Variants in C22orf42 observed in about 807,000 individuals in gnomAD.
The protein encoded by C22orf42 is chromosome 22 open reading frame 42, also known as uncharacterized protein C22orf42.
C22orf42 carries 24 observed loss-of-function variants against 31.4 expected under a neutral mutation model. That is an observed-to-expected ratio of 0.77 (90% confidence interval 0.55 to 1.08). The LOEUF is 1.08. Ranked by LOEUF, C22orf42 falls within the 50% of genes least tolerant of loss-of-function variation. The pLI is 0.00. For missense variants in C22orf42, 276 were observed against 327.3 expected (o/e 0.84, Z 1.21); for synonymous variants, 96 against 112.7 (o/e 0.85, Z 0.94).
At chr22:32,151,266 G>C (rs930671429) in intron 5 of C22orf42, among the ~76,000 whole-genome samples, 1 of 152,094 alleles carries the variant, frequency 6.6e-6, no homozygotes, top group African/African-American at 2.4e-5. Flanking sequence ...TTGCTACTGA[G>C]AAATACACTC....
Position 32,159,290 on chromosome 22 carries a change from G to A in C22orf42, c.-75C>T. The A allele has an allele frequency of 1.3e-6, 2 of 1,561,140 alleles. No individual in the cohort carries two copies. Among genetic ancestry groups the A allele is most frequent in the East Asian group, 4.5e-5 (2 of 43,992 alleles). On this transcript the variant is annotated 5_prime_UTR_variant, in exon 1 of 9. Coordinates refer to ENST00000382097, the MANE Select transcript of C22orf42 (RefSeq NM_001010859.3). ...AGTCGGAGCTCCTCCTCCTTCTACG[G>A]CCAGCTACCGACTGAAGGCTGCTGG...
intron 1 of C22orf42, among the ~76,000 whole-genome samples, chr22:32,157,632 TC>T (rs1158474235): frequency 1.3e-5 from 2 of 152,180 alleles, no homozygotes; most frequent in Non-Finnish European, 2.9e-5. Flanking sequence ...GTGGGGACCT[TC>T]CGTCTTATTT....
chr22:32,152,052 A>G lies in C22orf42; in HGVS notation c.400+15T>C. On this transcript the variant is annotated intron_variant, in intron 4 of 8. Coordinates refer to ENST00000382097, the MANE Select transcript of C22orf42 (RefSeq NM_001010859.3). ...ACTACATGTAAATAAAGCTGTTTAA[A>G]AAAAAAATACGTACGGTGGTCGTGC... 1 of 1,598,748 alleles carries G rather than the reference A, an allele frequency of 6.3e-7. No individual in the cohort carries two copies. The highest frequency in any genetic ancestry group is 1.4e-5 in the African/African-American group (1 of 73,722).
At position 32,149,458 on chromosome 22, in the gene C22orf42, C is replaced by A; in HGVS notation, c.*82G>T. 1.5e-6 allele frequency: 2 copies of A among 1,346,176 alleles called. No individual in the cohort carries two copies. Among genetic ancestry groups the A allele is most frequent in the South Asian group, 1.8e-5 (1 of 55,860 alleles). The allele number at this position is 1,346,176 out of a possible 1,614,324, so 83.4% of individuals were successfully genotyped here. A position where few individuals can be genotyped will look rare whatever the true frequency, so the allele number is the denominator to read the frequency against. On this transcript the variant is annotated 3_prime_UTR_variant, in exon 9 of 9. Transcript: ENST00000382097. Reference sequence around the variant, plus strand: ...AGAGAGAGGCTTGTGATTTTTTTTTCACCCAGATGGAAATATGCATTCATA... The same window carrying A: ...AGAGAGAGGCTTGTGATTTTTTTTTAACCCAGATGGAAATATGCATTCATA...
At chr22:32,159,431 C>T, upstream of C22orf42, 1 of 1,410,790 alleles carries the variant, frequency 7.1e-7, no homozygotes, top group South Asian at 1.5e-5. Flanking sequence ...AAATGCCTCA[C>T]AATGCCCATC....
intron 1 of C22orf42, among the ~76,000 whole-genome samples, chr22:32,158,065 C>T (rs1209738986): frequency 1.3e-5 from 2 of 152,250 alleles, no homozygotes; most frequent in Admixed American, 1.3e-4. Context: ...CTGAGTCTGG[C>T]AGCTTTCGTT....
chr22:32,154,721 A>G (rs1026204576), intron 1 of C22orf42, among the ~76,000 whole-genome samples: 14 of 152,356 alleles, frequency 9.2e-5, no homozygotes, highest in Non-Finnish European at 1.6e-4. Context: ...GATCTCTGCT[A>G]TAGACCTACT....
intron 1 of C22orf42, among the ~76,000 whole-genome samples, chr22:32,156,499 AC>A (rs1487387086): frequency 7.2e-6 from 1 of 138,902 alleles, no homozygotes; most frequent in Non-Finnish European, 1.5e-5. Context: ...CACTTTGGCT[AC>A]CCACTGAAGT....
At chr22:32,159,660 C>T, upstream of C22orf42, 1 of 197,820 alleles carries the variant, frequency 5.1e-6, no homozygotes, top group Non-Finnish European at 9.7e-6. Flanking sequence ...GTTTGCTCAC[C>T]AAATGTAGTT....
chr22:32,157,424 C>T (rs1263255873), intron 1 of C22orf42, among the ~76,000 whole-genome samples: 2 of 151,564 alleles, frequency 1.3e-5, no homozygotes, highest in African/African-American at 4.9e-5. Flanking sequence ...GGCCTTAGCC[C>T]ATCATATTCA....
intron 7 of C22orf42, chr22:32,150,049 T>C (rs1279615209): frequency 1.8e-6 from 1 of 544,780 alleles, no homozygotes; most frequent in East Asian, 2.9e-5. Flanking sequence ...CCAGATAGTT[T>C]GTAAGTGATG....
intron 6 of C22orf42, 50 bp from the exon 7 acceptor site, chr22:32,150,529 A>T: frequency 6.3e-7 from 1 of 1,582,702 alleles, no homozygotes; most frequent in Non-Finnish European, 8.7e-7. Context: ...GAGGAATCCC[A>T]CAAGGAGCCT....
Position 32,150,546 on chromosome 22 carries a change from A to T in C22orf42, c.494-67T>A, listed in dbSNP as rs2149510867. 8 of 1,543,326 alleles carry T rather than the reference A, an allele frequency of 5.2e-6. No individual in the cohort carries two copies. In the South Asian group the frequency reaches 6.7e-5, roughly 13 times the overall value. On this transcript the variant is annotated intron_variant, in intron 6 of 8. Transcript: ENST00000382097. ...GGAATCCCACAAGGAGCCTTGGGGG[A>T]TGTGGACCAGGGCTGGATCATGTGC...
rs1920979589 is a variant in C22orf42, at chr22:32,151,528, A to G, written c.424T>C (p.Ser142Pro). The G allele has an allele frequency of 1.9e-6, 3 of 1,613,784 alleles. No individual in the cohort carries two copies. Among genetic ancestry groups the G allele is most frequent in the South Asian group, 2.2e-5 (2 of 91,068 alleles). Residue 142 changes from serine (S) to proline (P), a missense_variant, in exon 5 of 9, where the codon TCT becomes CCT. Physicochemically the swap from Ser to Pro is moderately conservative, Grantham distance 74. Coordinates refer to ENST00000382097, the MANE Select transcript of C22orf42 (RefSeq NM_001010859.3). ...DHRPTEDVQVSAHGGVEENIT... is the reference protein window; with the variant it reads ...DHRPTEDVQVPAHGGVEENIT... ...TTCTCCTCCACACCGCCGTGTGCAGACACCTGCACATCTTCAGTGGGACCT... is the reference window on the plus strand; with the variant it reads ...TTCTCCTCCACACCGCCGTGTGCAGGCACCTGCACATCTTCAGTGGGACCT...
chr22:32,156,436 C>T (rs1485486225), intron 1 of C22orf42, among the ~76,000 whole-genome samples: 5 of 142,882 alleles, frequency 3.5e-5, no homozygotes, highest in African/African-American at 1.3e-4. Context: ...GAAAAGTAAA[C>T]AGTTAACATC....
chr22:32,159,255 G>T lies in C22orf42; in HGVS notation c.-40C>A. 1 of 1,603,300 alleles carries T rather than the reference G, an allele frequency of 6.2e-7. No homozygotes were observed. Among genetic ancestry groups the T allele is most frequent in the South Asian group, 1.1e-5 (1 of 90,854 alleles). ...CACAAAAAAGTCCAAGAGGCACAAG[G>T]ACAGAATGTAGTCGGAGCTCCTCCT... On this transcript the variant is annotated 5_prime_UTR_variant, in exon 1 of 9. Coordinates refer to ENST00000382097, the MANE Select transcript of C22orf42 (RefSeq NM_001010859.3).
intron 1 of C22orf42, among the ~76,000 whole-genome samples, chr22:32,156,853 A>G (rs5994478): frequency 0.46 from 69,475 of 151,748 alleles, 19,441 homozygotes; most frequent in African/African-American, 0.8. Flanking sequence ...TATACCCTCG[A>G]GATAAAATGC....
chr22:32,158,816 G>A (rs1438507666), intron 1 of C22orf42, among the ~76,000 whole-genome samples, 168 bp downstream of exon 1: 1 of 152,140 alleles, frequency 6.6e-6, no homozygotes, highest in African/African-American at 2.4e-5. Flanking sequence ...ACAAAGACAA[G>A]AGGCAGAACC....
In C22orf42 at chr22:32,150,414, T is replaced by A. The variant is rs1377439443; in HGVS notation, c.559A>T (p.Ser187Cys). The A allele has an allele frequency of 6.2e-7, 1 of 1,613,956 alleles. No individual in the cohort carries two copies. The highest frequency in any genetic ancestry group is 8.5e-7 in the Non-Finnish European group (1 of 1,179,960). The change falls in exon 7 of 9, where the codon AGT becomes TGT. Residue 187 changes from serine to cysteine, a missense_variant. By Grantham distance (112) the Ser-to-Cys change is moderately radical. Transcript: ENST00000382097. ...CLEDFMTSDL[S>C]ESLSVSLEDF... is the part of the protein sequence containing the mutation. ...TCAAGAGAGACAGATAGGCTTTCAC[T>A]GAGATCCGATGTCATGAAGTCTTCA...
Sources: allele counts gnomAD v4.1 joint callset (sites outside exome capture counted in the v4.1 genomes callset), GRCh38; gene constraint gnomAD v4.1.1; transcripts MANE v1.5; gene names NCBI Gene and HGNC (gene_info 2026-07-23, HGNC 2026-07-21).